Variants in RTL4 observed in about 807,000 individuals in gnomAD.
RTL4 encodes the protein retrotransposon Gag-like protein 4.
In RTL4, 4 loss-of-function variants were observed where a neutral mutation model predicts 5.3. The ratio of observed to expected loss-of-function variants is 0.75; its 90% CI spans 0.37 to 1.72. The LOEUF (loss-of-function observed/expected upper bound fraction) is 1.72, where lower values mean the gene tolerates loss of function less well. Among genes scored for constraint, RTL4 ranks in the 40% most tolerant of loss-of-function variants. RTL4 has a pLI of 0.04. For synonymous variants in RTL4, 98 were observed against 87.3 expected, an observed-to-expected ratio of 1.12 and a Z score of -0.68; for missense variants, 260 against 227.1, an observed-to-expected ratio of 1.14 and a Z score of -0.93.
chrX:112,310,478 G>T, the RTL4 span, among the ~76,000 whole-genome samples: 13 of 755 alleles, frequency 0.017, no homozygotes, highest in Non-Finnish European at 0.079. Flanking sequence ...ATATAATATA[G>T]AAATATATGT....
the RTL4 span, among the ~76,000 whole-genome samples, chrX:112,121,550 C>T: frequency 3.9e-4 from 43 of 111,568 alleles, 1 homozygote; most frequent in African/African-American, 1.3e-3. Flanking sequence ...TTTTAGAGGA[C>T]AGAAAAAGAG....
the RTL4 span, among the ~76,000 whole-genome samples, chrX:112,397,339 T>C: frequency 1.5e-3 from 173 of 112,023 alleles, no homozygotes; most frequent in Non-Finnish European, 2.7e-3. Flanking sequence ...TATTATATCG[T>C]TTTTATTTGT....
the RTL4 span, among the ~76,000 whole-genome samples, chrX:112,375,587 G>A: frequency 4.5e-5 from 5 of 111,138 alleles, no homozygotes; most frequent in South Asian, 1.9e-3. Flanking sequence ...CTTGGAGGAG[G>A]GATGATGTGG....
chrX:112,431,270 T>C, the RTL4 span, among the ~76,000 whole-genome samples: 2 of 111,567 alleles, frequency 1.8e-5, no homozygotes, highest in Admixed American at 9.5e-5. Context: ...AAAAAAGTTT[T>C]TGTTAAAGGC....
the RTL4 span, among the ~76,000 whole-genome samples, chrX:112,120,420 G>A: frequency 3.6e-5 from 4 of 111,069 alleles, no homozygotes; most frequent in Non-Finnish European, 5.7e-5. Context: ...GGGACTACAG[G>A]CGCCCGCCAC....
At chrX:112,317,452 T>C in the RTL4 span, among the ~76,000 whole-genome samples, 1 of 112,088 alleles carries the variant, frequency 8.9e-6, no homozygotes, top group Admixed American at 9.5e-5. Context: ...GAACGACTAG[T>C]GCAGAATAAA....
At chrX:112,403,488 T>A in the RTL4 span, among the ~76,000 whole-genome samples, 1 of 111,974 alleles carries the variant, frequency 8.9e-6, no homozygotes, top group Non-Finnish European at 1.9e-5. Context: ...CCTAACTGGC[T>A]ATTTGACTTT....
At chrX:112,375,000 A>G in the RTL4 span, among the ~76,000 whole-genome samples, 8 of 111,860 alleles carry the variant, frequency 7.2e-5, no homozygotes, top group Non-Finnish European at 1.1e-4. Context: ...ATTTCAGATA[A>G]TGAGTACTTA....
chrX:112,385,060 G>T, the RTL4 span, among the ~76,000 whole-genome samples: 1 of 110,900 alleles, frequency 9.0e-6, no homozygotes, highest in Non-Finnish European at 1.9e-5. Flanking sequence ...CATTTATTTT[G>T]TATCTTATTA....
chrX:112,350,433 G>C, the RTL4 span, among the ~76,000 whole-genome samples: 1 of 109,456 alleles, frequency 9.1e-6, no homozygotes, highest in Non-Finnish European at 1.9e-5. Flanking sequence ...AGTTTCAGAA[G>C]GAATGGTACC....
chrX:112,272,634 C>T, the RTL4 span, among the ~76,000 whole-genome samples: 2 of 111,465 alleles, frequency 1.8e-5, no homozygotes, highest in South Asian at 3.8e-4. Context: ...AATTTTATAT[C>T]CTTTTTACTT....
chrX:112,276,125 T>C, the RTL4 span, among the ~76,000 whole-genome samples: 1 of 112,169 alleles, frequency 8.9e-6, no homozygotes, highest in Admixed American at 9.5e-5. Flanking sequence ...GCTTTCAATT[T>C]AAAGAAAGAG....
chrX:112,274,196 G>A, the RTL4 span, among the ~76,000 whole-genome samples: 2 of 111,690 alleles, frequency 1.8e-5, no homozygotes, highest in African/African-American at 6.5e-5. Context: ...TCACAGGAGA[G>A]TAGTTCAAGT....
chrX:112,336,253 T>G, the RTL4 span, among the ~76,000 whole-genome samples: 2 of 112,111 alleles, frequency 1.8e-5, no homozygotes, highest in Non-Finnish European at 3.8e-5. Flanking sequence ...GATTGTTTCC[T>G]TCTATTACTC....
chrX:112,130,307 A>G, the RTL4 span, among the ~76,000 whole-genome samples: 1 of 106,952 alleles, frequency 9.3e-6, no homozygotes, highest in Non-Finnish European at 1.9e-5. Flanking sequence ...TACAGTAATC[A>G]AGACAGTATG....
chrX:112,236,310 C>G, the RTL4 span, among the ~76,000 whole-genome samples: 7 of 104,376 alleles, frequency 6.7e-5, no homozygotes, highest in East Asian at 1.8e-3. Flanking sequence ...ATAATAGTAT[C>G]TAGCTCACAA....
chrX:112,094,899 G>A, the RTL4 span, among the ~76,000 whole-genome samples: 1 of 111,401 alleles, frequency 9.0e-6, no homozygotes, highest in African/African-American at 3.3e-5. Flanking sequence ...TAGAAACAGT[G>A]TAAATAACTA....
chrX:112,170,640 T>C, the RTL4 span, among the ~76,000 whole-genome samples: 1 of 111,680 alleles, frequency 9.0e-6, no homozygotes, highest in Admixed American at 9.5e-5. Context: ...CAGCTTAAGA[T>C]TTTGGGCTGA....
chrX:112,130,231 C>G, the RTL4 span, among the ~76,000 whole-genome samples: 1 of 104,779 alleles, frequency 9.5e-6, no homozygotes, highest in Non-Finnish European at 1.9e-5. Flanking sequence ...GTTGATTTTT[C>G]TTTTCTTTTC....
Sources: gnomAD v4.1 joint callset for allele counts (sites outside exome capture counted in the v4.1 genomes callset) on GRCh38, gnomAD v4.1.1 for gene constraint, MANE v1.5 for transcripts, NCBI Gene and HGNC (gene_info 2026-07-23, HGNC 2026-07-21) for gene names.